PIK3C2G: variants seen among roughly 807,000 people sequenced by gnomAD.
The protein encoded by PIK3C2G is phosphatidylinositol 3-kinase C2 domain-containing subunit gamma.
A neutral mutation model predicts 181.1 loss-of-function variants in PIK3C2G; 168 were observed. That is an observed-to-expected ratio of 0.93 (90% confidence interval 0.82 to 1.05). The LOEUF (loss-of-function observed/expected upper bound fraction) is 1.05. Ranked by LOEUF, PIK3C2G falls within the 50% of genes least tolerant of loss-of-function variation. The pLI is 0.00. For synonymous variants in PIK3C2G, 573 were observed against 592.2 expected, an observed-to-expected ratio of 0.97 and a Z score of 0.47; for missense variants, 1,869 against 1,732.8, an observed-to-expected ratio of 1.08 and a Z score of -1.40.
intron 24 of PIK3C2G, among the ~76,000 whole-genome samples, chr12:18,527,679 GAA>G (rs5796758): frequency 9.3e-5 from 14 of 150,136 alleles, no homozygotes; most frequent in East Asian, 2.0e-4. Flanking sequence ...CAACTTCAAA[GAA>G]AAAAAAAAAG....
intron 32 of PIK3C2G, among the ~76,000 whole-genome samples, chr12:18,641,007 T>A (rs977039966): frequency 1.3e-5 from 2 of 152,180 alleles, no homozygotes; most frequent in African/African-American, 4.8e-5. Flanking sequence ...AGCTCTCTAA[T>A]TTATTTGTAA....
Position 18,640,448 on chromosome 12 carries a change from C to T in PIK3C2G, c.4202C>T (p.Ala1401Val), listed in dbSNP as rs77070108. Reference protein sequence around the residue: ...MKNIHLPDGSAPSAHVEFYLL... With the variant: ...MKNIHLPDGSVPSAHVEFYLL... ...TTGCAGCATCTCCCAGATGGCTCTG[C>T]GCCCAGTGCACATGTTGAATTTTAT... The change falls in exon 32 of 33, where the codon GCG (alanine) becomes GTG (valine). Residue 1401 changes from alanine to valine, a missense_variant. Ala to Val is a moderately conservative substitution (Grantham distance 64). Coordinates refer to ENST00000538779, the MANE Select transcript of PIK3C2G (RefSeq NM_001288772.2). The T allele has an allele frequency of 2.2e-3, 3,516 of 1,609,888 alleles. 19 individuals are homozygous for T. In the Middle Eastern group the frequency reaches 0.022, roughly 10 times the overall value.
chr12:18,328,318 G>T (rs1951436792), intron 8 of PIK3C2G, among the ~76,000 whole-genome samples: 1 of 151,882 alleles, frequency 6.6e-6, no homozygotes, highest in African/African-American at 2.4e-5. Flanking sequence ...AATTCAGTGA[G>T]GAGGGCAAAA....
intron 5 of PIK3C2G, among the ~76,000 whole-genome samples, chr12:18,300,023 A>G (rs1227725517): frequency 2.0e-5 from 3 of 151,942 alleles, no homozygotes; most frequent in Non-Finnish European, 2.9e-5. Flanking sequence ...TGGTTTTAGT[A>G]TCAGGGTAAT....
At chr12:18,531,355 T>G (rs2136217464) in intron 24 of PIK3C2G, among the ~76,000 whole-genome samples, 1 of 152,298 alleles carries the variant, frequency 6.6e-6, no homozygotes, top group South Asian at 2.1e-4. Context: ...TTGTAATAAA[T>G]AATACAAAGA....
rs1432277208 is a variant in PIK3C2G at position 18,336,775 on chromosome 12, A to T, written c.1273-1651A>T. On this transcript the variant is annotated intron_variant, in intron 8 of 32. Transcript: ENST00000538779. ...TTTAGCTCATTAATAAAATCTGTGG[A>T]CAATTTTTGGAATCCTCACTTTGTC... is the stretch of plus-strand genomic sequence containing the variant. Among the ~76,000 whole-genome samples, 5 of 152,302 alleles carry T rather than the reference A, an allele frequency of 3.3e-5. No individual in the cohort carries two copies. The East Asian group carries it at 9.6e-4, about 29-fold the overall frequency.
intron 32 of PIK3C2G, among the ~76,000 whole-genome samples, 170 bp downstream of exon 32, chr12:18,640,724 C>G (rs1949800659): frequency 6.6e-6 from 1 of 152,144 alleles, no homozygotes; most frequent in South Asian, 2.1e-4. Flanking sequence ...GCTATGGGCA[C>G]TGGAAAATAC....
intron 18 of PIK3C2G, among the ~76,000 whole-genome samples, chr12:18,441,556 C>T (rs1946748618): frequency 6.6e-6 from 1 of 152,022 alleles, no homozygotes; most frequent in African/African-American, 2.4e-5. Flanking sequence ...GATTGGTACA[C>T]AAAGTCCATA....
intron 11 of PIK3C2G, among the ~76,000 whole-genome samples, chr12:18,349,532 A>T (rs1347459151): frequency 6.6e-6 from 1 of 152,190 alleles, no homozygotes; most frequent in Non-Finnish European, 1.5e-5. Context: ...ACAAATGAGA[A>T]TGTATCTTAC....
At chr12:18,264,630 T>A (rs542665650) in intron 1 of PIK3C2G, among the ~76,000 whole-genome samples, 1 of 152,140 alleles carries the variant, frequency 6.6e-6, no homozygotes, top group Non-Finnish European at 1.5e-5. Flanking sequence ...TTTCTTGGTA[T>A]TGTGCATCTT....
At chr12:18,295,860 A>G (rs918020343) in intron 5 of PIK3C2G, among the ~76,000 whole-genome samples, 2 of 152,054 alleles carry the variant, frequency 1.3e-5, no homozygotes, top group Non-Finnish European at 2.9e-5. Context: ...TATATTAGTC[A>G]TTCAAATATT....
chr12:18,711,440 C>T, the PIK3C2G span, among the ~76,000 whole-genome samples: 4 of 148,514 alleles, frequency 2.7e-5, no homozygotes, highest in African/African-American at 5.0e-5. Context: ...TGCTAAATGA[C>T]GAGTTAGTGG....
At chr12:18,498,383 C>T (rs1486697968) in intron 22 of PIK3C2G, among the ~76,000 whole-genome samples, 2 of 152,142 alleles carry the variant, frequency 1.3e-5, no homozygotes, top group African/African-American at 4.8e-5. Flanking sequence ...TAGAATTGCA[C>T]TTAATTACAA....
chr12:18,587,782 A>T (rs1946868452), intron 29 of PIK3C2G, among the ~76,000 whole-genome samples: 1 of 151,006 alleles, frequency 6.6e-6, no homozygotes, highest in Non-Finnish European at 1.5e-5. Context: ...CAAAACAAAC[A>T]CCTGAATAGC....
At chr12:18,487,414 TA>T (rs1940162071) in intron 18 of PIK3C2G, among the ~76,000 whole-genome samples, 4 of 152,078 alleles carry the variant, frequency 2.6e-5, no homozygotes, top group Non-Finnish European at 5.9e-5. Context: ...AACACATCTA[TA>T]TATTTAAAAA....
chr12:18,691,387 A>G, the PIK3C2G span, among the ~76,000 whole-genome samples: 1 of 152,260 alleles, frequency 6.6e-6, no homozygotes, highest in Non-Finnish European at 1.5e-5. Context: ...TTAGATTCCC[A>G]AAATCATGTC....
chr12:18,525,415 G>A lies in PIK3C2G; in HGVS notation c.3324-12741G>A, dbSNP rs567156796. 9.2e-5 allele frequency among the ~76,000 whole-genome samples: 14 copies of A among 151,886 alleles called. No homozygotes were observed. In the East Asian group the frequency reaches 1.2e-3, roughly 13 times the overall value. On this transcript the variant is annotated intron_variant, in intron 24 of 32. Transcript: ENST00000538779. ...TCTCAAAAAAAAAAATCTGTATATC[G>A]AAGTTCATAAATTGAACTATTAGTC...
rs1488230131 is a variant in PIK3C2G, at chr12:18,282,170, C to A, written c.89C>A (p.Pro30His). ...CAAGAATTTCTCTTTGTAAATCAAC[C>A]CCATTCTTCTAGCCAAGTCAGTCTG... The part of the protein sequence containing the change: ...EHQEFLFVNQ[P>H]HSSSQVSLGF... Residue 30 changes from proline to histidine, a missense_variant, in exon 2 of 33, where the codon CCC (proline) becomes CAC (histidine). By Grantham distance (77) the Pro-to-His change is moderately conservative. Coordinates refer to ENST00000538779, the MANE Select transcript of PIK3C2G (RefSeq NM_001288772.2). 1.2e-6 allele frequency: 2 copies of A among 1,611,434 alleles called. No individual in the cohort carries two copies. The highest frequency in any genetic ancestry group is 2.2e-5 in the South Asian group (2 of 90,888).
intron 10 of PIK3C2G, among the ~76,000 whole-genome samples, 199 bp from the exon 11 acceptor site, chr12:18,346,442 G>T (rs925078020): frequency 6.6e-6 from 1 of 152,160 alleles, no homozygotes; most frequent in Non-Finnish European, 1.5e-5. Context: ...AGATCAGAAA[G>T]CTTATTGATG....
Sources: gnomAD v4.1 joint callset for allele counts (sites outside exome capture counted in the v4.1 genomes callset) on GRCh38, gnomAD v4.1.1 for gene constraint, MANE v1.5 for transcripts, NCBI Gene and HGNC (gene_info 2026-07-23, HGNC 2026-07-21) for gene names.